The following SLIT3 variants were observed in gnomAD, a reference collection of about 807,000 sequenced individuals.
SLIT3 encodes the protein slit guidance ligand 3, also known as slit homolog 3 protein.
A neutral mutation model predicts 184.0 loss-of-function variants in SLIT3; 68 were observed. That is an observed-to-expected ratio of 0.37 (90% CI 0.30 to 0.45). The LOEUF (loss-of-function observed/expected upper bound fraction) is 0.45, where lower values mean the gene tolerates loss of function less well. SLIT3 is among the 20% of genes least tolerant of loss of function. The probability of loss-of-function intolerance (pLI) is 1.00; values close to 1 mark genes in which losing one functional copy is unlikely to be tolerated. For missense variants in SLIT3, 1,707 were observed against 2,026.0 expected, an observed-to-expected ratio of 0.84 and a Z score of 3.02; for synonymous variants, 831 against 828.6, an observed-to-expected ratio of 1.00 and a Z score of -0.05.
At chr5:168,836,986 C>A (rs1429579974) in intron 6 of SLIT3, among the ~76,000 whole-genome samples, 1 of 152,018 alleles carries the variant, frequency 6.6e-6, no homozygotes, top group Non-Finnish European at 1.5e-5. Flanking sequence ...GTAATTTTTA[C>A]TTTTTCCTTA....
In SLIT3 at chr5:168,815,108, G is replaced by C. The variant is rs114888839; in HGVS notation, c.793+2192C>G. ...TTCTCATGTTCTCAAAAGACACCTG[G>C]CTTCATACTAAGAAGCTCCAGGGAC... is the stretch of plus-strand genomic sequence containing the variant. On this transcript the variant is annotated intron_variant, in intron 8 of 35. Coordinates refer to ENST00000519560, the MANE Select transcript of SLIT3 (RefSeq NM_003062.4). 7.5e-3 allele frequency among the ~76,000 whole-genome samples: 1,147 copies of C among 152,338 alleles called. 18 individuals carry two copies. Among genetic ancestry groups the C allele is most frequent in the African/African-American group, 0.026 (1,068 of 41,570 alleles).
At chr5:169,291,390 A>G (rs774174836) in intron 1 of SLIT3, among the ~76,000 whole-genome samples, 14 of 152,244 alleles carry the variant, frequency 9.2e-5, no homozygotes, top group Non-Finnish European at 1.9e-4. Flanking sequence ...GACACATACC[A>G]TGGAGATATT....
chr5:168,672,445 A>G (rs1435537901), intron 33 of SLIT3, among the ~76,000 whole-genome samples: 1 of 152,186 alleles, frequency 6.6e-6, no homozygotes, highest in East Asian at 1.9e-4. Context: ...TTTCAGGCCC[A>G]GAGTCTGCCT....
chr5:168,825,418 C>T (rs774720867), intron 6 of SLIT3, among the ~76,000 whole-genome samples: 8 of 152,150 alleles, frequency 5.3e-5, no homozygotes, highest in East Asian at 3.9e-4. Flanking sequence ...TTATCATCTG[C>T]GTGGTGAAAG....
In SLIT3 at chr5:169,183,436, C is replaced by T. The variant is rs182331627; in HGVS notation, c.413+10043G>A. On this transcript the variant is annotated intron_variant, in intron 4 of 35. Coordinates refer to ENST00000519560, the MANE Select transcript of SLIT3 (RefSeq NM_003062.4). ...TTTCTGAAGCCCTTACACATACAAC[C>T]CTTTCTCCCTACATGCCTCCTTTCT... is the stretch of plus-strand genomic sequence containing the variant. Among the ~76,000 whole-genome samples, 5 of 152,208 alleles carry T rather than the reference C, an allele frequency of 3.3e-5. No homozygotes were observed. In the East Asian group the frequency reaches 9.7e-4, roughly 29 times the overall value.
At chr5:169,116,218 A>C (rs548237238) in intron 4 of SLIT3, among the ~76,000 whole-genome samples, 1 of 152,294 alleles carries the variant, frequency 6.6e-6, no homozygotes, top group South Asian at 2.1e-4. Context: ...AGGGCAAAAA[A>C]ATCATTACTG....
At chr5:169,108,106 G>A (rs1760284746) in intron 4 of SLIT3, among the ~76,000 whole-genome samples, 1 of 152,206 alleles carries the variant, frequency 6.6e-6, no homozygotes, top group African/African-American at 2.4e-5. Context: ...TTTGCCCCAA[G>A]GCATCTGATA....
At chr5:169,024,241 T>C (rs1215201925) in intron 4 of SLIT3, 2 of 152,056 alleles carry the variant, frequency 1.3e-5, no homozygotes, top group African/African-American at 4.8e-5. Context: ...GGAAGCAGAG[T>C]GGCATTTGAA....
intron 4 of SLIT3, among the ~76,000 whole-genome samples, chr5:168,972,615 G>A (rs1040900952): frequency 1.3e-5 from 2 of 152,046 alleles, no homozygotes; most frequent in South Asian, 2.1e-4. Context: ...AGGTAGGGCC[G>A]AGGCAGGGAT....
At chr5:168,960,975 TA>T (rs1189624963) in intron 4 of SLIT3, among the ~76,000 whole-genome samples, 1 of 152,228 alleles carries the variant, frequency 6.6e-6, no homozygotes, top group Non-Finnish European at 1.5e-5. Flanking sequence ...ATTTGGACTG[TA>T]AAGATGGCTA....
chr5:169,196,006 C>A (rs1023878482), intron 3 of SLIT3, among the ~76,000 whole-genome samples: 3 of 152,108 alleles, frequency 2.0e-5, no homozygotes, highest in Non-Finnish European at 4.4e-5. Context: ...TTTCATCTTG[C>A]AAAACCGAAA....
intron 3 of SLIT3, among the ~76,000 whole-genome samples, chr5:169,239,898 A>C (rs1210854715): frequency 1.3e-5 from 2 of 152,106 alleles, no homozygotes; most frequent in Non-Finnish European, 2.9e-5. Flanking sequence ...TGAATTGAAT[A>C]ATATAGCTTA....
At chr5:169,110,737 T>C (rs1191407150) in intron 4 of SLIT3, among the ~76,000 whole-genome samples, 3 of 152,208 alleles carry the variant, frequency 2.0e-5, no homozygotes, top group Non-Finnish European at 4.4e-5. Context: ...GGCTACGTTA[T>C]TTCTCACCTG....
intron 4 of SLIT3, among the ~76,000 whole-genome samples, chr5:169,162,006 T>C (rs542831860): frequency 6.6e-6 from 1 of 152,372 alleles, no homozygotes; most frequent in East Asian, 1.9e-4. Flanking sequence ...TAAAGTGCTG[T>C]ATCTGTATTT....
intron 4 of SLIT3, among the ~76,000 whole-genome samples, chr5:169,123,548 G>A (rs1217458306): frequency 1.3e-5 from 2 of 152,182 alleles, no homozygotes; most frequent in Non-Finnish European, 2.9e-5. Context: ...AATTCTGACT[G>A]CAAAAATAAA....
chr5:168,823,411 G>T, intron 6 of SLIT3, 80 bp from the exon 7 acceptor site: 2 of 1,019,972 alleles, frequency 2.0e-6, no homozygotes, highest in South Asian at 1.3e-5. Context: ...GTCGGGGGAG[G>T]GATGGTTGTG....
intron 3 of SLIT3, among the ~76,000 whole-genome samples, chr5:169,202,432 A>G (rs1472108092): frequency 6.6e-6 from 1 of 152,150 alleles, no homozygotes; most frequent in African/African-American, 2.4e-5. Flanking sequence ...AGATAAGGAA[A>G]CTGAGGCACA....
intron 5 of SLIT3, among the ~76,000 whole-genome samples, chr5:168,881,425 C>G (rs1400559211): frequency 6.6e-6 from 1 of 152,234 alleles, no homozygotes; most frequent in Non-Finnish European, 1.5e-5. Context: ...CTGTCCAGCT[C>G]TGGTTATACA....
chr5:168,755,431 T>TCCTCTCTCTCTCTCTCTCTC (rs1754897509), intron 16 of SLIT3, among the ~76,000 whole-genome samples: 1 of 47,168 alleles, frequency 2.1e-5, no homozygotes, highest in Non-Finnish European at 4.1e-5. Context: ...CTTTCTTTCT[T>TCCTCTCTCTCTCTCTCTCTC]TCTTTCTTTC....
Sources: gnomAD v4.1 joint callset for allele counts (sites outside exome capture counted in the v4.1 genomes callset) on GRCh38, gnomAD v4.1.1 for gene constraint, MANE v1.5 for transcripts, NCBI Gene and HGNC (gene_info 2026-07-23, HGNC 2026-07-21) for gene names.